Variants in TXNRD2 observed in about 807,000 individuals in gnomAD.
TXNRD2 encodes the protein thioredoxin reductase 2.
A neutral mutation model predicts 70.8 loss-of-function variants in TXNRD2; 67 were observed. The ratio of observed to expected loss-of-function variants is 0.95; its 90% CI spans 0.78 to 1.16. The LOEUF (loss-of-function observed/expected upper bound fraction) is 1.16. Ranked by LOEUF, TXNRD2 falls within the 50% of genes most tolerant of loss-of-function variation. TXNRD2 has a pLI of 0.00. For synonymous variants in TXNRD2, 301 were observed against 295.8 expected (o/e 1.02, Z -0.18); for missense variants, 644 against 719.9 (o/e 0.89, Z 1.21).
chr22:19,909,236 A>T (rs1940208004), intron 8 of TXNRD2, among the ~76,000 whole-genome samples: 1 of 151,998 alleles, frequency 6.6e-6, no homozygotes, highest in Admixed American at 6.6e-5. Context: ...TTAAAGTGGT[A>T]AATTTTATAC....
chr22:19,933,539 GGT>G, intron 1 of TXNRD2: 2 of 1,284,442 alleles, frequency 1.6e-6, no homozygotes, highest in Non-Finnish European at 2.0e-6. Context: ...TATCAGGCAG[GGT>G]GAGCAGCTGT....
At chr22:19,916,031 CTGTCCCCCA>C (rs1314527660) in intron 5 of TXNRD2, 188 bp from the exon 6 acceptor site, 2 of 606,782 alleles carry the variant, frequency 3.3e-6, no homozygotes, top group African/African-American at 3.7e-5. Context: ...GGCACCTCGC[CTGTCCCCCA>C]GGGATCCCAG....
At chr22:19,894,961 C>T (rs1322168002) in intron 11 of TXNRD2, 1 of 1,402,312 alleles carries the variant, frequency 7.1e-7, no homozygotes, top group Non-Finnish European at 9.2e-7. Flanking sequence ...CAGAGCGAGA[C>T]TCCATCTCAA....
rs778678239 is a variant in TXNRD2 at position 19,883,327 on chromosome 22, C to T, written c.1084G>A (p.Glu362Lys). 4 of 1,613,472 alleles carry T rather than the reference C, an allele frequency of 2.5e-6. No homozygotes were observed. The Admixed American group carries it at 5.0e-5, about 20-fold the overall frequency. Reference sequence around the variant, plus strand: ...TGGTCCCGGGACGCATGCCGTACCTCCACCACGTCACCAATGGCGTAGATG... The same window carrying T: ...TGGTCCCGGGACGCATGCCGTACCTTCACCACGTCACCAATGGCGTAGATG... ...PHIYAIGDVV[E>K]GRPELTPIAI... The change falls in exon 12 of 18, where the codon GAG (glutamate) becomes AAG (lysine). Residue 362 changes from glutamate to lysine, a missense_variant and splice_region_variant. By Grantham distance (56) the Glu-to-Lys change is moderately conservative (BLOSUM62 1). Coordinates refer to ENST00000400521, the MANE Select transcript of TXNRD2 (RefSeq NM_006440.5).
intron 1 of TXNRD2, among the ~76,000 whole-genome samples, chr22:19,937,558 T>C (rs1489980772): frequency 1.3e-5 from 2 of 152,202 alleles, no homozygotes; most frequent in African/African-American, 4.8e-5. Context: ...CCTGCATATA[T>C]TAAAGCTTGT....
chr22:19,919,077 G>A, intron 3 of TXNRD2, 73 bp from the exon 4 acceptor site: 1 of 1,506,334 alleles, frequency 6.6e-7, no homozygotes, highest in African/African-American at 1.4e-5. Context: ...CTTCTAGAGT[G>A]TTTGGAATTC....
In TXNRD2 at chr22:19,897,785, C is replaced by CT. The variant is rs201089805; in HGVS notation, c.774+253dup. Among the ~76,000 whole-genome samples, 294 of 152,356 alleles carry CT rather than the reference C, an allele frequency of 1.9e-3. 6 individuals carry two copies. The East Asian group carries it at 0.029, about 15-fold the overall frequency. On this transcript the variant is annotated intron_variant, in intron 10 of 17. Coordinates refer to ENST00000400521, the MANE Select transcript of TXNRD2 (RefSeq NM_006440.5). Reference sequence around the variant, plus strand: ...CCTGCTCTGCCGGCACAAGGCTGGGCTGAGCCTCCCTTCACTGTGCCTGTG... The same window carrying CT: ...CCTGCTCTGCCGGCACAAGGCTGGGCTTGAGCCTCCCTTCACTGTGCCTGTG...
At chr22:19,936,538 T>C (rs1268828915) in intron 1 of TXNRD2, among the ~76,000 whole-genome samples, 1 of 152,160 alleles carries the variant, frequency 6.6e-6, no homozygotes, top group African/African-American at 2.4e-5. Context: ...ACAATTTACC[T>C]GTAATTCTGC....
At chr22:19,917,589 G>A (rs537700826) in intron 5 of TXNRD2, among the ~76,000 whole-genome samples, 1 of 152,288 alleles carries the variant, frequency 6.6e-6, no homozygotes, top group Non-Finnish European at 1.5e-5. Context: ...CTGCTGTGCT[G>A]GCAGCTGAGC....
chr22:19,940,602 C>T (rs1941678019), intron 1 of TXNRD2, among the ~76,000 whole-genome samples: 1 of 152,190 alleles, frequency 6.6e-6, no homozygotes, highest in South Asian at 2.1e-4. Context: ...TACCGCCCCT[C>T]ACATCCGTGA....
intron 8 of TXNRD2, 66 bp from the exon 9 acceptor site, chr22:19,899,134 G>A (rs987003682): frequency 6.3e-7 from 1 of 1,595,688 alleles, no homozygotes; most frequent in Non-Finnish European, 8.5e-7. Flanking sequence ...TGCAGTCAGA[G>A]CAGAACCCCG....
chr22:19,914,991 C>T (rs374064999), intron 7 of TXNRD2: 13 of 553,238 alleles, frequency 2.3e-5, no homozygotes, highest in African/African-American at 1.3e-4. Flanking sequence ...GAGAGCAGAA[C>T]GAGAGCTGTC....
intron 8 of TXNRD2, among the ~76,000 whole-genome samples, chr22:19,904,695 C>T (rs1939928323): frequency 6.6e-6 from 1 of 152,190 alleles, no homozygotes; most frequent in African/African-American, 2.4e-5. Flanking sequence ...GCCGCAGAGC[C>T]CACCGAGGGC....
At chr22:19,887,351 G>C (rs1390391869) in intron 11 of TXNRD2, 3 of 152,390 alleles carry the variant, frequency 2.0e-5, no homozygotes, top group Admixed American at 2.0e-4. Context: ...TGCACATGAA[G>C]CAGGAGGGCT....
intron 8 of TXNRD2, among the ~76,000 whole-genome samples, chr22:19,910,606 G>A (rs903138523): frequency 6.6e-6 from 1 of 152,312 alleles, no homozygotes; most frequent in South Asian, 2.1e-4. Flanking sequence ...AGGGGCACAA[G>A]TCACAGGTTT....
intron 12 of TXNRD2, 148 bp downstream of exon 12, chr22:19,883,177 C>T: frequency 2.0e-6 from 2 of 1,014,690 alleles, no homozygotes; most frequent in South Asian, 1.6e-5. Context: ...GAACTCCAGA[C>T]AGGCTGGCCC....
intron 2 of TXNRD2, 67 bp downstream of exon 2, chr22:19,930,963 C>T: frequency 1.4e-6 from 2 of 1,472,334 alleles, no homozygotes; most frequent in Non-Finnish European, 1.9e-6. Flanking sequence ...GTTTTCTGGA[C>T]AGCACCACCC....
intron 1 of TXNRD2, chr22:19,933,542 G>A: frequency 1.6e-6 from 2 of 1,284,660 alleles, no homozygotes; most frequent in Non-Finnish European, 2.0e-6. Context: ...CAGGCAGGGT[G>A]AGCAGCTGTC....
intron 2 of TXNRD2, among the ~76,000 whole-genome samples, chr22:19,924,689 T>C (rs546222984): frequency 1.3e-5 from 2 of 152,212 alleles, no homozygotes; most frequent in Admixed American, 6.5e-5. Flanking sequence ...CTTTTATTGG[T>C]GGGTTTGAAA....
Sources: allele counts gnomAD v4.1 joint callset (sites outside exome capture counted in the v4.1 genomes callset), GRCh38; gene constraint gnomAD v4.1.1; transcripts MANE v1.5; gene names NCBI Gene and HGNC (gene_info 2026-07-23, HGNC 2026-07-21).